ESRRB: variants seen among roughly 807,000 people sequenced by gnomAD.
ESRRB encodes steroid hormone receptor ERR2.
A neutral mutation model predicts 46.0 loss-of-function variants in ESRRB; 16 were observed. The ratio of observed to expected loss-of-function variants is 0.35; its 90% CI spans 0.24 to 0.53. The LOEUF (loss-of-function observed/expected upper bound fraction) is 0.53, where lower values mean the gene tolerates loss of function less well. Ranked by LOEUF, ESRRB falls within the 20% of genes least tolerant of loss-of-function variation. The probability of loss-of-function intolerance (pLI) is 0.93; values close to 1 mark genes in which losing one functional copy is unlikely to be tolerated. For missense variants in ESRRB, 488 were observed against 607.4 expected (o/e 0.80, Z 2.07); for synonymous variants, 246 against 259.6 (o/e 0.95, Z 0.50).
intron 3 of ESRRB, among the ~76,000 whole-genome samples, chr14:76,475,775 G>A (rs969838384): frequency 6.6e-6 from 1 of 152,292 alleles, no homozygotes; most frequent in Non-Finnish European, 1.5e-5. Flanking sequence ...TGGTAATTCT[G>A]TCTAGCTTTT....
intron 3 of ESRRB, among the ~76,000 whole-genome samples, chr14:76,466,182 GC>G (rs1566601609): frequency 6.6e-6 from 1 of 152,060 alleles, no homozygotes; most frequent in African/African-American, 2.4e-5. Flanking sequence ...TGCTTGGGGG[GC>G]TTTGGGGGTC....
chr14:76,459,527 A>T (rs1288204385), intron 2 of ESRRB, among the ~76,000 whole-genome samples: 1 of 130,138 alleles, frequency 7.7e-6, no homozygotes, highest in Non-Finnish European at 1.6e-5. Context: ...GAGCGAATGG[A>T]GGGAATCAGC....
chr14:76,404,581 C>T (rs1326482008), intron 1 of ESRRB: 1 of 152,874 alleles, frequency 6.5e-6, no homozygotes, highest in Non-Finnish European at 1.5e-5. Context: ...GCGTTGCAGC[C>T]ACCTTCACCT....
intron 1 of ESRRB, among the ~76,000 whole-genome samples, chr14:76,316,132 T>C (rs75391697): frequency 0.076 from 11,522 of 152,232 alleles, 571 homozygotes; most frequent in South Asian, 0.15. Context: ...TGCTTTGGCC[T>C]CCTCCCTCTT....
intron 1 of ESRRB, among the ~76,000 whole-genome samples, chr14:76,407,915 A>G (rs1274726411): frequency 6.6e-6 from 1 of 152,142 alleles, no homozygotes; most frequent in Non-Finnish European, 1.5e-5. Flanking sequence ...TTATAGCCAA[A>G]CCACCTGGTG....
intron 1 of ESRRB, among the ~76,000 whole-genome samples, chr14:76,333,084 TTATATTA>T (rs1217011136): frequency 0.019 from 44 of 2,318 alleles, 3 homozygotes; most frequent in African/African-American, 0.064. Flanking sequence ...TATATATTAT[TTATATTA>T]TATATTATAT....
intron 1 of ESRRB, among the ~76,000 whole-genome samples, chr14:76,363,361 C>T (rs931365460): frequency 1.3e-5 from 2 of 152,178 alleles, no homozygotes; most frequent in East Asian, 3.9e-4. Context: ...TGGACCTGCT[C>T]CAACCAAGCA....
intron 3 of ESRRB, chr14:76,463,477 T>C (rs1888975674): frequency 6.7e-6 from 1 of 149,526 alleles, no homozygotes; most frequent in African/African-American, 2.5e-5. Context: ...GACGGAGTCT[T>C]GCTCTGTCAC....
At chr14:76,462,161 TGTGGTG>T (rs61608653) in intron 2 of ESRRB, among the ~76,000 whole-genome samples, 8 of 151,370 alleles carry the variant, frequency 5.3e-5, no homozygotes, top group Non-Finnish European at 1.0e-4. Flanking sequence ...TGGAGGAGCC[TGTGGTG>T]GTGGTGGTGG....
chr14:76,494,586 C>T (rs1047101690), intron 6 of ESRRB, among the ~76,000 whole-genome samples: 1 of 152,130 alleles, frequency 6.6e-6, no homozygotes, highest in Non-Finnish European at 1.5e-5. Flanking sequence ...GGATTGCGGG[C>T]GTGAGTCACT....
intron 1 of ESRRB, among the ~76,000 whole-genome samples, chr14:76,405,720 C>T (rs1021890160): frequency 6.6e-6 from 1 of 151,772 alleles, no homozygotes; most frequent in African/African-American, 2.4e-5. Flanking sequence ...CGCCACTGCA[C>T]TCCAGCCTGG....
upstream of ESRRB, among the ~76,000 whole-genome samples, chr14:76,372,715 C>T (rs1327095357): frequency 6.6e-6 from 1 of 152,062 alleles, no homozygotes; most frequent in East Asian, 1.9e-4. Flanking sequence ...GCCTGTAGTC[C>T]CACCTACTCG....
At chr14:76,485,890 A>G (rs191186326) in intron 5 of ESRRB, among the ~76,000 whole-genome samples, 2 of 152,326 alleles carry the variant, frequency 1.3e-5, no homozygotes, top group African/African-American at 4.8e-5. Context: ...TTGCATGCAC[A>G]TATTGAGAAG....
intron 2 of ESRRB, among the ~76,000 whole-genome samples, chr14:76,453,946 G>A (rs1566907145): frequency 6.6e-6 from 1 of 152,094 alleles, no homozygotes; most frequent in East Asian, 1.9e-4. Context: ...TAAAATAATG[G>A]TACATCTTAC....
chr14:76,495,716 G>A (rs926602966), intron 6 of ESRRB: 3 of 151,676 alleles, frequency 2.0e-5, no homozygotes, highest in Admixed American at 6.6e-5. Flanking sequence ...AATCCATTAC[G>A]GACAGATCAT....
intron 1 of ESRRB, among the ~76,000 whole-genome samples, chr14:76,333,449 G>T (rs35239013): frequency 0.019 from 844 of 45,266 alleles, 3 homozygotes; most frequent in East Asian, 0.03. Flanking sequence ...TGATATATAA[G>T]TATATCATAT....
rs114983930 is a variant in ESRRB, at chr14:76,399,265, T to A, written c.50+22814T>A. Among the ~76,000 whole-genome samples, 294 of 152,314 alleles carry A rather than the reference T, an allele frequency of 1.9e-3. 1 individual carries two copies. The highest frequency in any genetic ancestry group is 5.1e-3 in the Admixed American group (78 of 15,296). On this transcript the variant is annotated intron_variant, in intron 1 of 6. Transcript: ENST00000644823. ...TTTGACAATCCATCAGGAAGCTCCC[T>A]GTGACGGAGTCCAAGGGGTTCCCTG...
At chr14:76,379,835 G>A (rs1474235870) in intron 1 of ESRRB, among the ~76,000 whole-genome samples, 1 of 131,172 alleles carries the variant, frequency 7.6e-6, no homozygotes, top group East Asian at 2.2e-4. Flanking sequence ...TGCTGATAAT[G>A]AGGACATATG....
intron 1 of ESRRB, among the ~76,000 whole-genome samples, chr14:76,354,181 A>G (rs7151132): frequency 0.32 from 38,218 of 121,194 alleles, 6,071 homozygotes; most frequent in African/African-American, 0.34. Context: ...TGCTTGGCCA[A>G]CTCCTCTGTG....
Sources: allele counts gnomAD v4.1 joint callset (sites outside exome capture counted in the v4.1 genomes callset), GRCh38; gene constraint gnomAD v4.1.1; transcripts MANE v1.5; gene names NCBI Gene and HGNC (gene_info 2026-07-23, HGNC 2026-07-21).